The following TWF2 variants were observed in gnomAD, a reference collection of about 807,000 sequenced individuals.
TWF2 encodes twinfilin actin binding protein 2.
A neutral mutation model predicts 45.1 loss-of-function variants in TWF2; 15 were observed. That is an observed-to-expected ratio of 0.33 (90% CI 0.22 to 0.51). The LOEUF (loss-of-function observed/expected upper bound fraction) is 0.51. Ranked by LOEUF, TWF2 falls within the 20% of genes least tolerant of loss-of-function variation. The pLI, the probability that TWF2 is intolerant of heterozygous loss-of-function variation, is 0.97. For synonymous variants in TWF2, 177 were observed against 195.8 expected, an observed-to-expected ratio of 0.90 and a Z score of 0.80; for missense variants, 423 against 469.1, an observed-to-expected ratio of 0.90 and a Z score of 0.91.
intron 1 of TWF2, among the ~76,000 whole-genome samples, chr3:52,238,695 C>T (rs1442432971): frequency 6.6e-6 from 1 of 152,138 alleles, no homozygotes; most frequent in Non-Finnish European, 1.5e-5. Flanking sequence ...GCGTGTACAC[C>T]CACTCCCGGA....
rs1198731535 is a variant in TWF2, at chr3:52,229,792, G to A, written c.761-10C>T. On this transcript the variant is annotated splice_polypyrimidine_tract_variant and intron_variant, in intron 7 of 8. Transcript: ENST00000305533. Reference sequence around the variant, plus strand: ...ATGGAGTAGATGAACACTGTTGGGGGGCAGGAGGTGAGCCTGGGAGGCCTG... The same window carrying A: ...ATGGAGTAGATGAACACTGTTGGGGAGCAGGAGGTGAGCCTGGGAGGCCTG... The A allele has an allele frequency of 6.2e-7, 1 of 1,607,642 alleles. No homozygotes were observed. Among genetic ancestry groups the A allele is most frequent in the Non-Finnish European group, 8.5e-7 (1 of 1,175,988 alleles).
intron 1 of TWF2, among the ~76,000 whole-genome samples, chr3:52,236,752 C>G (rs1265234628): frequency 6.6e-6 from 1 of 152,132 alleles, no homozygotes; most frequent in East Asian, 1.9e-4. Context: ...TGGGGCCCAA[C>G]TGAGCTCAGC....
intron 8 of TWF2, 64 bp downstream of exon 8, chr3:52,229,596 AG>A: frequency 6.3e-7 from 1 of 1,587,442 alleles, no homozygotes; most frequent in Non-Finnish European, 8.6e-7. Context: ...TCAGGACCCC[AG>A]CGCCCCACAT....
Position 52,229,900 on chromosome 3 carries a change from G to A in TWF2, c.760+20C>T, listed in dbSNP as rs1271408151. On this transcript the variant is annotated intron_variant, in intron 7 of 8. Coordinates refer to ENST00000305533, the MANE Select transcript of TWF2 (RefSeq NM_007284.4). ...CTCCCACCCAGCCACAGGCTTGGGA[G>A]CCCTGCCATGGCCACTCACCTACAG... is the stretch of plus-strand genomic sequence containing the variant. 1.2e-6 allele frequency: 2 copies of A among 1,600,212 alleles called. No homozygotes were observed. Among genetic ancestry groups the A allele is most frequent in the East Asian group, 2.2e-5 (1 of 44,568 alleles).
Position 52,237,763 on chromosome 3 carries a change from G to C in TWF2, c.25+1229C>G, listed in dbSNP as rs146527642. Among the ~76,000 whole-genome samples the C allele has an allele frequency of 3.9e-3, 597 of 152,346 alleles. 5 individuals carry two copies. Among genetic ancestry groups the C allele is most frequent in the South Asian group, 0.023 (113 of 4,830 alleles). On this transcript the variant is annotated intron_variant, in intron 1 of 8. Coordinates refer to ENST00000305533, the MANE Select transcript of TWF2 (RefSeq NM_007284.4). ...ATCTGGGAGCCCTGGCCCTGACCCA[G>C]GCCCCTGCCTTCGCGGGGCCAGGGA... is the stretch of plus-strand genomic sequence containing the variant.
chr3:52,236,887 T>TC (rs1699730812), intron 1 of TWF2, among the ~76,000 whole-genome samples: 1 of 152,128 alleles, frequency 6.6e-6, no homozygotes, highest in Admixed American at 6.5e-5. Context: ...AAGCCTGGCC[T>TC]CTGGGGCTCC....
Position 52,239,009 on chromosome 3 carries a change from T to C in TWF2, c.8A>G (p.His3Arg). 6.3e-7 allele frequency: 1 copy of C among 1,595,884 alleles called. No individual in the cohort carries two copies. Among genetic ancestry groups the C allele is most frequent in the Non-Finnish European group, 8.5e-7 (1 of 1,178,474 alleles). Residue 3 changes from histidine to arginine, a missense_variant, in exon 1 of 9, where the codon CAC (histidine) becomes CGC (arginine). By Grantham distance (29) the His-to-Arg change is conservative (BLOSUM62 0). Coordinates refer to ENST00000305533, the MANE Select transcript of TWF2 (RefSeq NM_007284.4). Reference protein sequence around the residue: MAHQTGIHATEEL... With the variant: MARQTGIHATEEL... ...GCCCTCACCGTGGATGCCCGTTTGG[T>C]GCGCCATGGCTCGGCGCTTCGCTCC... is the stretch of plus-strand genomic sequence containing the variant.
chr3:52,228,874 A>G lies in TWF2; in HGVS notation c.*160T>C. 9.0e-7 allele frequency: 1 copy of G among 1,114,488 alleles called. No individual in the cohort carries two copies. Among genetic ancestry groups the G allele is most frequent in the South Asian group, 1.6e-5 (1 of 61,144 alleles). The allele number at this position is 1,114,488 out of a possible 1,614,324, so 69.0% of individuals were successfully genotyped here. A position where few individuals can be genotyped will look rare whatever the true frequency, so the allele number is the denominator to read the frequency against. Reference sequence around the variant, plus strand: ...GACAGCAACAGGGAAGGGTCACAAAATGCCAGCCCGGTGGCCCTCGGACGC... The same window carrying G: ...GACAGCAACAGGGAAGGGTCACAAAGTGCCAGCCCGGTGGCCCTCGGACGC... On this transcript the variant is annotated 3_prime_UTR_variant, in exon 9 of 9. Transcript: ENST00000305533.
chr3:52,237,578 G>A (rs1417497095), intron 1 of TWF2, among the ~76,000 whole-genome samples: 10 of 152,176 alleles, frequency 6.6e-5, no homozygotes, highest in East Asian at 1.9e-4. Context: ...GGTATGGGGT[G>A]GCTAACTTCC....
At chr3:52,238,893 C>T in intron 1 of TWF2, 99 bp downstream of exon 1, 1 of 1,462,334 alleles carries the variant, frequency 6.8e-7, no homozygotes, top group Non-Finnish European at 9.1e-7. Context: ...GAAGCTTTCT[C>T]CCGGCTGGTG....
At position 52,235,063 on chromosome 3, in the gene TWF2, G is replaced by T. The variant is rs773634594; in HGVS notation, c.69C>A (p.Gly23=). 7.4e-6 allele frequency: 12 copies of T among 1,613,842 alleles called. 2 individuals carry two copies. In the South Asian group the frequency reaches 1.3e-4, roughly 18 times the overall value. The change falls in exon 2 of 9, where the codon GGC becomes GGA. Residue 23 remains glycine (G), a synonymous_variant. Transcript: ENST00000305533. Reference sequence around the variant, plus strand: ...TCACAACCTTGATGAGCCGCACAGAGCCAGCCCGTGCCTTGGCAAAGAATT... The same window carrying T: ...TCACAACCTTGATGAGCCGCACAGATCCAGCCCGTGCCTTGGCAAAGAATT... ...LKEFFAKARA[G]SVRLIKVVIE... is the part of the protein sequence containing the mutation.
Position 52,229,647 on chromosome 3 carries a change from G to T in TWF2, c.882+14C>A, listed in dbSNP as rs763850888. ...TAGGGCCTGGGGAGGTGAGGCCCTG[G>T]GGAGGGCGCCTACTTTCTTGGCGAT... is the stretch of plus-strand genomic sequence containing the variant. On this transcript the variant is annotated intron_variant, in intron 8 of 8. Transcript: ENST00000305533. The T allele has an allele frequency of 3.8e-5, 62 of 1,612,812 alleles. No individual in the cohort carries two copies. Among genetic ancestry groups the T allele is most frequent in the Non-Finnish European group, 4.9e-5 (58 of 1,179,752 alleles).
chr3:52,239,090 AAG>A lies in TWF2; in HGVS notation c.-76_-75del, dbSNP rs998880288. The A allele has an allele frequency of 2.6e-5, 40 of 1,529,016 alleles. No individual in the cohort carries two copies. The African/African-American group carries it at 5.0e-4, about 19-fold the overall frequency. 94.7% of individuals were successfully genotyped at this position (1,529,016 alleles called of 1,614,324 possible). A position where few individuals can be genotyped will look rare whatever the true frequency, so the allele number is the denominator to read the frequency against. ...CTGGCCCGGCAACGCTCGCTGGACC[AAG>A]AGAGGTGGAGGATGTGGCGGAGGCT... On this transcript the variant is annotated 5_prime_UTR_variant, in exon 1 of 9. Coordinates refer to ENST00000305533, the MANE Select transcript of TWF2 (RefSeq NM_007284.4).
chr3:52,229,056 C>A lies in TWF2; in HGVS notation c.1028G>T (p.Gly343Val), dbSNP rs1324627334. ...RGHKRLIRGP[G>V]ENGDDS is the part of the protein sequence containing the mutation. ...CTCCTAGCTGTCATCCCCATTTTCACCCGGGCCGCGGATGAGGCGCTTATG... is the reference window on the plus strand; with the variant it reads ...CTCCTAGCTGTCATCCCCATTTTCAACCGGGCCGCGGATGAGGCGCTTATG... The change falls in exon 9 of 9, where the codon GGT (glycine) becomes GTT (valine). Residue 343 changes from glycine (G) to valine (V), a missense_variant. Physicochemically the swap from Gly to Val is moderately radical, Grantham distance 109 (BLOSUM62 -3). Transcript: ENST00000305533. The A allele has an allele frequency of 3.7e-6, 6 of 1,612,172 alleles. No individual in the cohort carries two copies. The highest frequency in any genetic ancestry group is 1.7e-5 in the Admixed American group (1 of 59,996).
chr3:52,230,957 G>T lies in TWF2; in HGVS notation c.522C>A (p.Thr174=), dbSNP rs1699671900. 1 of 1,604,016 alleles carries T rather than the reference G, an allele frequency of 6.2e-7. No individual in the cohort carries two copies. The highest frequency in any genetic ancestry group is 1.3e-5 in the African/African-American group (1 of 74,640). ...TEISVESKHQ[T]LQGLAFPLQP... is the part of the protein sequence containing the mutation. ...GCAGGGGGAAGGCGAGGCCCTGCAG[G>T]GTCTGGTGCTTGCTTTCCACACTGA... The change falls in exon 6 of 9, where the codon ACC becomes ACA. Residue 174 remains threonine (T), a synonymous_variant. Coordinates refer to ENST00000305533, the MANE Select transcript of TWF2 (RefSeq NM_007284.4).
chr3:52,229,816 T>G, intron 7 of TWF2, 34 bp from the exon 8 acceptor site: 1 of 1,602,454 alleles, frequency 6.2e-7, no homozygotes, highest in South Asian at 1.1e-5. Context: ...CTGGGAGGCC[T>G]GAGAAACCTG....
intron 1 of TWF2, among the ~76,000 whole-genome samples, chr3:52,237,351 T>G (rs1339074848): frequency 6.6e-5 from 10 of 151,966 alleles, no homozygotes; most frequent in Non-Finnish European, 1.5e-5. Context: ...GTCCCTTTCC[T>G]GCCTACTCTG....
chr3:52,234,003 G>A (rs893750107), intron 2 of TWF2, among the ~76,000 whole-genome samples: 35 of 151,592 alleles, frequency 2.3e-4, no homozygotes, highest in African/African-American at 8.2e-4. Context: ...GAGTACAACT[G>A]CCTTTTTAAG....
rs1559439964 is a variant in TWF2, at chr3:52,229,163, G to C, written c.921C>G (p.Phe307Leu). 6.2e-7 allele frequency: 1 copy of C among 1,612,908 alleles called. No individual in the cohort carries two copies. The highest frequency in any genetic ancestry group is 1.1e-5 in the South Asian group (1 of 91,076). The part of the protein sequence containing the change: ...IGDGAELTAE[F>L]LYDEVHPKQH... The stretch of plus-strand genomic sequence containing the variant: ...GCTTGGGGTGCACCTCGTCGTAGAG[G>C]AACTCTGCCGTCAGCTCTGCCCCAT... The change falls in exon 9 of 9, where the codon TTC becomes TTG. Residue 307 changes from phenylalanine to leucine, a missense_variant. Physicochemically the swap from Phe to Leu is conservative, Grantham distance 22. Transcript: ENST00000305533.
Sources: gnomAD v4.1 joint callset for allele counts (sites outside exome capture counted in the v4.1 genomes callset) on GRCh38, gnomAD v4.1.1 for gene constraint, MANE v1.5 for transcripts, NCBI Gene and HGNC (gene_info 2026-07-23, HGNC 2026-07-21) for gene names.